DNAH7: variants seen among roughly 807,000 people sequenced by gnomAD.
DNAH7 encodes dynein axonemal heavy chain 7.
DNAH7 carries 397 observed loss-of-function variants against 444.6 expected under a neutral mutation model. The ratio of observed to expected loss-of-function variants is 0.89; its 90% CI spans 0.82 to 0.97. DNAH7 has a LOEUF of 0.97. Ranked by LOEUF, DNAH7 falls within the 50% of genes least tolerant of loss-of-function variation. The pLI is 0.00. For synonymous variants in DNAH7, 1,636 were observed against 1,624.4 expected (o/e 1.01, Z -0.17); for missense variants, 4,902 against 4,800.8 (o/e 1.02, Z -0.62).
chr2:195,884,522 CTA>C (rs1701595375), intron 35 of DNAH7, 61 bp downstream of exon 35: 4 of 1,213,128 alleles, frequency 3.3e-6, no homozygotes, highest in Non-Finnish European at 4.9e-6. Context: ...CCATTATATG[CTA>C]TGTGTCAGAG....
intron 24 of DNAH7, among the ~76,000 whole-genome samples, chr2:195,916,900 C>G (rs1262621238): frequency 5.3e-5 from 8 of 151,542 alleles, no homozygotes; most frequent in Non-Finnish European, 1.5e-5. Flanking sequence ...GAGATCGAGA[C>G]CATCCTAGCT....
Position 195,873,607 on chromosome 2 carries a change from G to C in DNAH7, c.6374C>G (p.Thr2125Arg), listed in dbSNP as rs374426809. Residue 2125 changes from threonine (T) to arginine (R), a missense_variant, in exon 39 of 65, where the codon ACA becomes AGA. By Grantham distance (71) the Thr-to-Arg change is moderately conservative. Transcript: ENST00000312428. ...INEFSDKSMY[T>R]IFSRILTWHL... is the part of the protein sequence containing the mutation. ...CCAAGTTAAGATTCTAGAGAAGATT[G>C]TATACATGGATTTATCACTAAACTC... is the stretch of plus-strand genomic sequence containing the variant. 2 of 1,480,924 alleles carry C rather than the reference G, an allele frequency of 1.4e-6. No homozygotes were observed. Among genetic ancestry groups the C allele is most frequent in the African/African-American group, 2.9e-5 (2 of 68,574 alleles). The allele number at this position is 1,480,924 out of a possible 1,614,324, so 91.7% of individuals were successfully genotyped here. A position where few individuals can be genotyped will look rare whatever the true frequency, so the allele number is the denominator to read the frequency against.
At chr2:196,049,565 C>T (rs1697340715) in intron 3 of DNAH7, among the ~76,000 whole-genome samples, 1 of 152,140 alleles carries the variant, frequency 6.6e-6, no homozygotes, top group Admixed American at 6.6e-5. Flanking sequence ...AGGTACAAAC[C>T]TTAATACTGT....
rs1700209667 is a variant in DNAH7 at position 195,864,597 on chromosome 2, A to C, written c.7058T>G (p.Leu2353Ter). ...GGSGRQSVTRLAAHMADYSVF... is the reference protein window; with the variant it reads ...GGSGRQSVTR ...TGAATAATCAGCCATGTGGGCAGCT[A>C]ATCTGGTGACAGACTGCCTTCCACT... Residue 2353 changes from leucine to a stop codon, truncating the protein, a stop_gained, in exon 41 of 65, where the codon TTA (leucine) becomes TGA (stop). Coordinates refer to ENST00000312428, the MANE Select transcript of DNAH7 (RefSeq NM_018897.3). LOFTEE classifies it high-confidence loss of function. 6.2e-7 allele frequency: 1 copy of C among 1,614,134 alleles called. No individual in the cohort carries two copies. Among genetic ancestry groups the C allele is most frequent in the Non-Finnish European group, 8.5e-7 (1 of 1,180,010 alleles).
intron 19 of DNAH7, among the ~76,000 whole-genome samples, chr2:195,953,832 G>C (rs1462244572): frequency 3.9e-5 from 6 of 152,146 alleles, no homozygotes; most frequent in African/African-American, 1.4e-4. Flanking sequence ...AAGAATGAAG[G>C]CAATAACCTG....
At chr2:195,868,759 A>T (rs1178611568) in intron 40 of DNAH7, among the ~76,000 whole-genome samples, 1 of 151,100 alleles carries the variant, frequency 6.6e-6, no homozygotes, top group Non-Finnish European at 1.5e-5. Flanking sequence ...ATCTGTATTT[A>T]ACAAGCAAAC....
chr2:195,749,552 A>G (rs934014122), intron 63 of DNAH7, among the ~76,000 whole-genome samples: 1 of 152,016 alleles, frequency 6.6e-6, no homozygotes, highest in Non-Finnish European at 1.5e-5. Flanking sequence ...TTGCAGCACT[A>G]TTCACAATAG....
chr2:195,789,111 G>A (rs1695756900), intron 57 of DNAH7, among the ~76,000 whole-genome samples: 1 of 152,054 alleles, frequency 6.6e-6, no homozygotes, highest in Admixed American at 6.6e-5. Flanking sequence ...CATGAGCCTG[G>A]AACATCTTAT....
At chr2:195,886,354 C>A in intron 33 of DNAH7, 82 bp from the exon 34 acceptor site, 1 of 1,302,430 alleles carries the variant, frequency 7.7e-7, no homozygotes, top group Non-Finnish European at 1.1e-6. Flanking sequence ...TTATTAAGCT[C>A]ATTTAATTTT....
At chr2:195,985,944 G>A (rs1180217662) in intron 14 of DNAH7, among the ~76,000 whole-genome samples, 1 of 152,062 alleles carries the variant, frequency 6.6e-6, no homozygotes, top group Admixed American at 6.6e-5. Context: ...CACGCTGTCT[G>A]TGAAAGCAAT....
At chr2:195,967,334 T>TA (rs1485351931) in intron 17 of DNAH7, among the ~76,000 whole-genome samples, 1 of 152,144 alleles carries the variant, frequency 6.6e-6, no homozygotes, top group African/African-American at 2.4e-5. Flanking sequence ...GTAGTTGCAT[T>TA]TATTATTTTT....
chr2:195,869,696 C>T (rs539460266), intron 40 of DNAH7, among the ~76,000 whole-genome samples: 2 of 151,940 alleles, frequency 1.3e-5, no homozygotes, highest in South Asian at 2.1e-4. Context: ...AGCCAGGAGA[C>T]CTGTACTGCT....
intron 5 of DNAH7, 54 bp from the exon 6 acceptor site, chr2:196,028,101 T>C (rs1259949886): frequency 5.7e-6 from 8 of 1,407,918 alleles, no homozygotes; most frequent in African/African-American, 1.4e-5. Flanking sequence ...AGTTAGAACA[T>C]AAAACAATGG....
intron 38 of DNAH7, among the ~76,000 whole-genome samples, chr2:195,875,272 C>A (rs1700981694): frequency 6.6e-6 from 1 of 152,094 alleles, no homozygotes; most frequent in South Asian, 2.1e-4. Context: ...ACAATTGAAG[C>A]ATTAAGGAAT....
intron 57 of DNAH7, among the ~76,000 whole-genome samples, chr2:195,791,038 C>T (rs1195873508): frequency 6.6e-6 from 1 of 152,116 alleles, no homozygotes; most frequent in Non-Finnish European, 1.5e-5. Flanking sequence ...AAGACATGAA[C>T]AGACACTTCT....
chr2:196,014,063 A>G (rs1050231746), intron 9 of DNAH7, among the ~76,000 whole-genome samples: 6 of 152,194 alleles, frequency 3.9e-5, no homozygotes, highest in South Asian at 4.1e-4. Context: ...AAGGTTTTAC[A>G]CAGTACAATA....
intron 12 of DNAH7, among the ~76,000 whole-genome samples, chr2:195,994,033 AG>A (rs1693529843): frequency 6.6e-6 from 1 of 152,232 alleles, no homozygotes; most frequent in South Asian, 2.1e-4. Flanking sequence ...GGAGAAAAGC[AG>A]GGTTTTCCCA....
At chr2:195,777,778 T>A in intron 59 of DNAH7, 22 bp downstream of exon 59, 1 of 1,576,700 alleles carries the variant, frequency 6.3e-7, no homozygotes, top group East Asian at 2.3e-5. Context: ...CTGCTTTTAG[T>A]TTTTTTGAAG....
Position 195,891,821 on chromosome 2 carries a change from A to T in DNAH7, c.4897-17T>A, listed in dbSNP as rs779700993. 2 of 1,458,300 alleles carry T rather than the reference A, an allele frequency of 1.4e-6. No homozygotes were observed. The highest frequency in any genetic ancestry group is 2.6e-5 in the South Asian group (2 of 77,086). The allele number at this position is 1,458,300 out of a possible 1,614,324, so 90.3% of individuals were successfully genotyped here. On this transcript the variant is annotated splice_polypyrimidine_tract_variant and intron_variant, in intron 30 of 64. Coordinates refer to ENST00000312428, the MANE Select transcript of DNAH7 (RefSeq NM_018897.3). ...CATTAGCCCCTTAATGAAAAAAAAA[A>T]ACATTTATTTATGTAAAGAATACTG... is the stretch of plus-strand genomic sequence containing the variant.
Sources: gnomAD v4.1 joint callset for allele counts (sites outside exome capture counted in the v4.1 genomes callset) on GRCh38, gnomAD v4.1.1 for gene constraint, MANE v1.5 for transcripts, NCBI Gene and HGNC (gene_info 2026-07-23, HGNC 2026-07-21) for gene names.